XYLT1: variants seen among roughly 807,000 people sequenced by gnomAD.
The protein encoded by XYLT1 is xylosyltransferase 1, also known as beta-D-xylosyltransferase 1.
XYLT1 carries 36 observed loss-of-function variants against 91.3 expected under a neutral mutation model. The observed-to-expected ratio is 0.39, with a 90% CI of 0.30 to 0.52. The LOEUF is 0.52. Ranked by LOEUF, XYLT1 falls within the 20% of genes least tolerant of loss-of-function variation. The pLI, the probability that XYLT1 is intolerant of heterozygous loss-of-function variation, is 0.68. For missense variants in XYLT1, 1,242 were observed against 1,284.5 expected (o/e 0.97, Z 0.51); for synonymous variants, 588 against 532.0 (o/e 1.11, Z -1.45).
At chr16:17,461,275 C>G (rs970138143) in intron 1 of XYLT1, among the ~76,000 whole-genome samples, 2 of 152,210 alleles carry the variant, frequency 1.3e-5, no homozygotes, top group Non-Finnish European at 2.9e-5. Context: ...CTTGCCCTGA[C>G]CTTCCCAGAG....
In XYLT1 at chr16:17,384,561, C is replaced by T. The variant is rs544865070; in HGVS notation, c.364-26511G>A. Among the ~76,000 whole-genome samples the T allele has an allele frequency of 6.6e-5, 10 of 151,994 alleles. 1 individual carries two copies. The East Asian group carries it at 2.0e-3, about 30-fold the overall frequency. ...TTCTTTGAAAAATTAGATTTGGCCT[C>T]ACTGGGTTCATACTTTGAATTGACT... On this transcript the variant is annotated intron_variant, in intron 1 of 11. Transcript: ENST00000261381.
At chr16:17,283,454 ACACACACGCATGTGCACACATAGG>A (rs2034087632) in intron 2 of XYLT1, among the ~76,000 whole-genome samples, 1 of 152,160 alleles carries the variant, frequency 6.6e-6, no homozygotes, top group South Asian at 2.1e-4. Context: ...CTTTGTGTAC[ACACACACGCATGTGCACACATAGG>A]CACACACGCA....
intron 2 of XYLT1, among the ~76,000 whole-genome samples, chr16:17,311,371 C>T (rs892052880): frequency 6.6e-6 from 1 of 152,182 alleles, no homozygotes; most frequent in Non-Finnish European, 1.5e-5. Context: ...GCCTGCTCAT[C>T]AGAATCATCT....
chr16:17,258,957 C>A, intron 3 of XYLT1, 31 bp downstream of exon 3: 1 of 1,481,412 alleles, frequency 6.8e-7, no homozygotes. Context: ...GCCAGGAGAT[C>A]CCTCTCTGAG....
intron 1 of XYLT1, among the ~76,000 whole-genome samples, chr16:17,401,862 TACA>T (rs1014915770): frequency 1.3e-5 from 2 of 152,100 alleles, no homozygotes; most frequent in East Asian, 1.9e-4. Context: ...CAAAGATATT[TACA>T]ACATTATTTA....
At chr16:17,414,376 G>A (rs968851792) in intron 1 of XYLT1, among the ~76,000 whole-genome samples, 1 of 152,008 alleles carries the variant, frequency 6.6e-6, no homozygotes, top group African/African-American at 2.4e-5. Flanking sequence ...TATCACCCAG[G>A]CCAGAGTACA....
At chr16:17,196,424 T>C (rs2032427302) in intron 5 of XYLT1, among the ~76,000 whole-genome samples, 1 of 152,264 alleles carries the variant, frequency 6.6e-6, no homozygotes, top group South Asian at 2.1e-4. Context: ...GAAATATTTA[T>C]AGATACAATT....
intron 10 of XYLT1, among the ~76,000 whole-genome samples, chr16:17,122,469 T>C (rs1374148372): frequency 6.6e-6 from 1 of 152,240 alleles, no homozygotes; most frequent in Non-Finnish European, 1.5e-5. Context: ...TTTGAGTTCC[T>C]TGTAGATTCT....
intron 2 of XYLT1, among the ~76,000 whole-genome samples, chr16:17,320,505 G>A (rs1439793413): frequency 2.4e-5 from 3 of 123,220 alleles, no homozygotes; most frequent in Non-Finnish European, 4.9e-5. Flanking sequence ...TTTTGAGACT[G>A]AGTCTTGCTC....
At chr16:17,262,109 T>C (rs1035987038) in intron 2 of XYLT1, among the ~76,000 whole-genome samples, 2 of 152,176 alleles carry the variant, frequency 1.3e-5, no homozygotes, top group African/African-American at 4.8e-5. Flanking sequence ...AGTAAGTTAT[T>C]CACAGGTATT....
At chr16:17,233,297 T>C (rs910915680) in intron 3 of XYLT1, among the ~76,000 whole-genome samples, 4 of 152,190 alleles carry the variant, frequency 2.6e-5, no homozygotes, top group Admixed American at 6.5e-5. Flanking sequence ...ACAAGTTTCA[T>C]TGCAGGCCAG....
intron 2 of XYLT1, among the ~76,000 whole-genome samples, chr16:17,317,634 A>AG (rs2034656385): frequency 9.6e-6 from 1 of 104,412 alleles, no homozygotes; most frequent in African/African-American, 4.2e-5. Context: ...TGTCTCAAAA[A>AG]AAAAAAAAAA....
At chr16:17,164,062 A>AAAAAAAAG (rs2031621031) in intron 5 of XYLT1, among the ~76,000 whole-genome samples, 1 of 148,942 alleles carries the variant, frequency 6.7e-6, no homozygotes. Context: ...AAAAAAAAAA[A>AAAAAAAAG]AAAAAAAGAA....
Position 17,399,769 on chromosome 16 carries a change from C to T in XYLT1, c.364-41719G>A, listed in dbSNP as rs373809179. Among the ~76,000 whole-genome samples, 18 of 152,288 alleles carry T rather than the reference C, an allele frequency of 1.2e-4. No homozygotes were observed. In the East Asian group the frequency reaches 2.5e-3, roughly 21 times the overall value. On this transcript the variant is annotated intron_variant, in intron 1 of 11. Transcript: ENST00000261381. The stretch of plus-strand genomic sequence containing the variant: ...TAATCACTTCTGCACCCCTGTCCTC[C>T]GGCCCTCGCCCCCAACTCCAGCCCC...
intron 3 of XYLT1, among the ~76,000 whole-genome samples, chr16:17,208,954 T>A (rs1276724047): frequency 2.0e-5 from 3 of 152,180 alleles, no homozygotes; most frequent in Non-Finnish European, 4.4e-5. Flanking sequence ...CTCAAACTCT[T>A]GACTGCAGGT....
At chr16:17,453,619 A>T (rs1343970618) in intron 1 of XYLT1, among the ~76,000 whole-genome samples, 1 of 152,232 alleles carries the variant, frequency 6.6e-6, no homozygotes, top group Non-Finnish European at 1.5e-5. Flanking sequence ...CATGTACAGC[A>T]TATGCAGTCC....
chr16:17,221,775 A>G (rs997654029), intron 3 of XYLT1, among the ~76,000 whole-genome samples: 4 of 152,168 alleles, frequency 2.6e-5, no homozygotes, highest in Non-Finnish European at 5.9e-5. Context: ...CAGATGACTT[A>G]TAAGAGAGGA....
chr16:17,462,753 G>A (rs944121477), intron 1 of XYLT1, among the ~76,000 whole-genome samples: 2 of 152,064 alleles, frequency 1.3e-5, no homozygotes, highest in Non-Finnish European at 2.9e-5. Context: ...CCCCTCCTCC[G>A]CTTCTCCCTT....
chr16:17,447,640 T>A lies in XYLT1; in HGVS notation c.363+22794A>T, dbSNP rs925920206. On this transcript the variant is annotated intron_variant, in intron 1 of 11. Coordinates refer to ENST00000261381, the MANE Select transcript of XYLT1 (RefSeq NM_022166.4). ...CTGTCTTTAGGAACATATTCCTACA[T>A]CCCAGGGAGAAGGAGAGAGGTGCTT... Among the ~76,000 whole-genome samples, 7 of 152,292 alleles carry A rather than the reference T, an allele frequency of 4.6e-5. No individual in the cohort carries two copies. The East Asian group carries it at 1.2e-3, about 25-fold the overall frequency.
Sources: allele counts gnomAD v4.1 joint callset (sites outside exome capture counted in the v4.1 genomes callset), GRCh38; gene constraint gnomAD v4.1.1; transcripts MANE v1.5; gene names NCBI Gene and HGNC (gene_info 2026-07-23, HGNC 2026-07-21).